ATP6V0A4: variants seen among roughly 807,000 people sequenced by gnomAD.
ATP6V0A4 encodes V-type proton ATPase 116 kDa subunit a 4.
A neutral mutation model predicts 107.3 loss-of-function variants in ATP6V0A4; 86 were observed. The ratio of observed to expected loss-of-function variants is 0.80; its 90% CI spans 0.67 to 0.96. The LOEUF (loss-of-function observed/expected upper bound fraction) is 0.96, where lower values mean the gene tolerates loss of function less well. Ranked by LOEUF, ATP6V0A4 falls within the 40% of genes least tolerant of loss-of-function variation. The probability of loss-of-function intolerance (pLI) is 0.00; values close to 1 mark genes in which losing one functional copy is unlikely to be tolerated. For missense variants in ATP6V0A4, 908 were observed against 1,045.6 expected (o/e 0.87, Z 1.81); for synonymous variants, 353 against 381.4 (o/e 0.93, Z 0.87).
chr7:138,765,829 C>T (rs1563010318), intron 5 of ATP6V0A4, among the ~76,000 whole-genome samples: 1 of 152,164 alleles, frequency 6.6e-6, no homozygotes, highest in Non-Finnish European at 1.5e-5. Context: ...ACACAGCTTA[C>T]CACAGCCTCC....
chr7:138,759,616 G>GA (rs1563006394), intron 8 of ATP6V0A4, 136 bp downstream of exon 8: 5 of 983,972 alleles, frequency 5.1e-6, no homozygotes, highest in Admixed American at 2.2e-5. Context: ...AAAAGGGAAG[G>GA]AAAAAAAGGA....
rs1340756389 is a variant in ATP6V0A4, at chr7:138,721,908, G to A, written c.2128C>T (p.His710Tyr). The change falls in exon 19 of 22, where the codon CAT (histidine) becomes TAT (tyrosine). Residue 710 changes from histidine (H) to tyrosine (Y), a missense_variant. Transcript: ENST00000310018. ...CTCGTCCCAGATACCTCTTCTCCATGGTCGTCCAGAGCCCCGTGGGTATCT... is the reference window on the plus strand; with the variant it reads ...CTCGTCCCAGATACCTCTTCTCCATAGTCGTCCAGAGCCCCGTGGGTATCT... ...SADTHGALDD[H>Y]GEEFNFGDVF... is the part of the protein sequence containing the mutation. 1 of 1,614,030 alleles carries A rather than the reference G, an allele frequency of 6.2e-7. No homozygotes were observed. Among genetic ancestry groups the A allele is most frequent in the East Asian group, 2.2e-5 (1 of 44,870 alleles).
intron 18 of ATP6V0A4, among the ~76,000 whole-genome samples, chr7:138,724,766 T>C (rs1248093048): frequency 6.6e-6 from 1 of 152,220 alleles, no homozygotes; most frequent in African/African-American, 2.4e-5. Context: ...CCCTAAACTC[T>C]ACCCTTTTCT....
intron 17 of ATP6V0A4, among the ~76,000 whole-genome samples, chr7:138,732,146 C>T (rs2117237138): frequency 6.6e-6 from 1 of 152,160 alleles, no homozygotes; most frequent in East Asian, 1.9e-4. Flanking sequence ...AGGGCTTTGT[C>T]TTCTGATTCT....
intron 18 of ATP6V0A4, among the ~76,000 whole-genome samples, chr7:138,727,364 T>G (rs1225460007): frequency 6.6e-6 from 1 of 152,198 alleles, no homozygotes; most frequent in African/African-American, 2.4e-5. Context: ...TTTGAAATAC[T>G]TGGTCACCTG....
intron 2 of ATP6V0A4, chr7:138,780,208 G>T (rs1807856065): frequency 6.6e-6 from 1 of 152,238 alleles, no homozygotes; most frequent in South Asian, 2.1e-4. Flanking sequence ...TTTTGTGGAA[G>T]ACAGTTTTTC....
At chr7:138,764,674 T>C (rs10241449) in intron 5 of ATP6V0A4, among the ~76,000 whole-genome samples, 111,404 of 152,060 alleles carry the variant, frequency 0.73, 41,286 homozygotes, top group African/African-American at 0.85. Flanking sequence ...GAATAATAAC[T>C]GAAAAAGCCA....
intron 14 of ATP6V0A4, 144 bp from the exon 15 acceptor site, chr7:138,739,777 A>T: frequency 7.2e-7 from 1 of 1,381,024 alleles, no homozygotes; most frequent in African/African-American, 1.4e-5. Context: ...TCTACTACAC[A>T]TCAAGTATTG....
intron 13 of ATP6V0A4, 155 bp from the exon 14 acceptor site, chr7:138,745,435 G>T: frequency 1.9e-6 from 1 of 525,922 alleles, no homozygotes; most frequent in Non-Finnish European, 2.4e-6. Context: ...GACAGGAAGA[G>T]CACACACATC....
In ATP6V0A4 at chr7:138,745,658, CA is replaced by C. The variant is rs566336992; in HGVS notation, c.1321-379del. 3.2e-3 allele frequency among the ~76,000 whole-genome samples: 138 copies of C among 42,688 alleles called. 7 individuals carry two copies. Among genetic ancestry groups the C allele is most frequent in the Non-Finnish European group, 4.0e-3 (93 of 23,402 alleles). 28.0% of individuals were successfully genotyped at this position (42,688 alleles called of 152,430 possible). On this transcript the variant is annotated intron_variant, in intron 13 of 21. Transcript: ENST00000310018. The stretch of plus-strand genomic sequence containing the variant: ...CACCACTGCGCTCCAGCCTGTGTCT[CA>C]AAAAAAAAAAAAGGCCGGGTGTGAT...
chr7:138,785,278 C>CT (rs67440202), intron 2 of ATP6V0A4, among the ~76,000 whole-genome samples: 4,580 of 131,656 alleles, frequency 0.035, 234 homozygotes, highest in African/African-American at 0.12. Context: ...TTTCTTTTTT[C>CT]TTTTTTTTTT....
chr7:138,729,789 C>G (rs993818264), intron 17 of ATP6V0A4, among the ~76,000 whole-genome samples: 1 of 152,214 alleles, frequency 6.6e-6, no homozygotes, highest in Non-Finnish European at 1.5e-5. Flanking sequence ...TGACCAAGGT[C>G]GCAGTAAATG....
intron 19 of ATP6V0A4, among the ~76,000 whole-genome samples, chr7:138,718,428 C>A (rs557074287): frequency 2.3e-5 from 2 of 88,718 alleles, no homozygotes; most frequent in Admixed American, 3.3e-4. Context: ...CGTGCAGTCA[C>A]GGATGTCTGC....
chr7:138,762,884 A>G lies in ATP6V0A4; in HGVS notation c.417+16T>C. On this transcript the variant is annotated intron_variant, in intron 6 of 21. Coordinates refer to ENST00000310018, the MANE Select transcript of ATP6V0A4 (RefSeq NM_020632.3). The stretch of plus-strand genomic sequence containing the variant: ...TGAGGAACGGGCCCTTTAGTAACTC[A>G]TCCCCACGTGACCACCTCAAAGAAG... The G allele has an allele frequency of 1.2e-6, 2 of 1,613,804 alleles. No homozygotes were observed. Among genetic ancestry groups the G allele is most frequent in the South Asian group, 1.1e-5 (1 of 91,076 alleles).
At chr7:138,779,098 T>C (rs184832239) in intron 2 of ATP6V0A4, among the ~76,000 whole-genome samples, 2 of 152,276 alleles carry the variant, frequency 1.3e-5, no homozygotes, top group African/African-American at 4.8e-5. Flanking sequence ...CCCAGCATTT[T>C]GGGAGGCCAA....
chr7:138,736,657 T>C (rs1026441495), intron 15 of ATP6V0A4, among the ~76,000 whole-genome samples: 12 of 152,002 alleles, frequency 7.9e-5, no homozygotes, highest in East Asian at 1.9e-4. Flanking sequence ...CTACAACCTC[T>C]GCCTCCCGGG....
Position 138,773,226 on chromosome 7 carries a change from C to T in ATP6V0A4, c.-17-1962G>A, listed in dbSNP as rs1193317922. Among the ~76,000 whole-genome samples, 1 of 152,198 alleles carries T rather than the reference C, an allele frequency of 6.6e-6. No individual in the cohort carries two copies. The highest frequency in any genetic ancestry group is 1.5e-5 in the Non-Finnish European group (1 of 68,038). On this transcript the variant is annotated intron_variant, in intron 2 of 21. Transcript: ENST00000310018. This position sits in a 1 kb window ranked among gnomAD's most constrained non-coding sequence, Gnocchi z 5.4. Reference sequence around the variant, plus strand: ...AGGACCTGGCCTCCTCTGTGTCCTCCTCCAGCTTTGGCCTCTCCAGGGACC... The same window carrying T: ...AGGACCTGGCCTCCTCTGTGTCCTCTTCCAGCTTTGGCCTCTCCAGGGACC...
chr7:138,770,827 G>C (rs191548123), intron 3 of ATP6V0A4, among the ~76,000 whole-genome samples: 1 of 152,278 alleles, frequency 6.6e-6, no homozygotes, highest in East Asian at 1.9e-4. Flanking sequence ...TATATACAAT[G>C]TTTGAAGATG....
intron 9 of ATP6V0A4, 174 bp from the exon 10 acceptor site, chr7:138,755,956 G>A (rs1806492683): frequency 6.0e-6 from 7 of 1,173,158 alleles, no homozygotes; most frequent in African/African-American, 3.0e-5. Context: ...TTCCCAGTAC[G>A]TCACTTGTGC....
Sources: gnomAD v4.1 joint callset for allele counts (sites outside exome capture counted in the v4.1 genomes callset) on GRCh38, gnomAD v4.1.1 for gene constraint, Gnocchi (gnomAD v3.1) non-coding constraint, MANE v1.5 for transcripts, NCBI Gene and HGNC (gene_info 2026-07-23, HGNC 2026-07-21) for gene names.